The following DCLK1 variants were observed in gnomAD, a reference collection of about 807,000 sequenced individuals.
The protein encoded by DCLK1 is doublecortin like kinase 1.
In DCLK1, 16 loss-of-function variants were observed where a neutral mutation model predicts 86.2. The ratio of observed to expected loss-of-function variants is 0.19; its 90% confidence interval spans 0.13 to 0.28. DCLK1 has a LOEUF of 0.28. DCLK1 is among the 10% of genes least tolerant of loss of function. The pLI is 1.00. For missense variants in DCLK1, 590 were observed against 940.2 expected (o/e 0.63, Z 4.87); for synonymous variants, 369 against 370.5 (o/e 1.00, Z 0.05).
intron 3 of DCLK1, among the ~76,000 whole-genome samples, chr13:36,034,947 G>A (rs1050307658): frequency 2.0e-5 from 3 of 152,270 alleles, no homozygotes; most frequent in South Asian, 2.1e-4. Context: ...TTAGGTAGGC[G>A]GAAAGGTCAC....
At chr13:35,830,922 T>C (rs1183496555) in intron 8 of DCLK1, among the ~76,000 whole-genome samples, 1 of 152,184 alleles carries the variant, frequency 6.6e-6, no homozygotes, top group East Asian at 1.9e-4. Flanking sequence ...AGGAGTAATT[T>C]TAAAGCACTC....
intron 6 of DCLK1, among the ~76,000 whole-genome samples, chr13:35,845,549 T>C (rs1013638283): frequency 2.6e-5 from 4 of 152,186 alleles, no homozygotes; most frequent in Non-Finnish European, 4.4e-5. Flanking sequence ...ACACCATTAG[T>C]GGTTTTAAAA....
At chr13:35,931,512 T>C (rs902831164) in intron 4 of DCLK1, among the ~76,000 whole-genome samples, 1 of 152,188 alleles carries the variant, frequency 6.6e-6, no homozygotes, top group East Asian at 1.9e-4. Context: ...TTAGGCTGTA[T>C]TTGGACAAGT....
chr13:36,064,720 AG>A (rs1883687651), intron 3 of DCLK1, among the ~76,000 whole-genome samples: 1 of 151,706 alleles, frequency 6.6e-6, no homozygotes, highest in South Asian at 2.1e-4. Flanking sequence ...CATCTTTACC[AG>A]GAATAACAGG....
At chr13:36,065,819 G>T (rs780941690) in intron 3 of DCLK1, among the ~76,000 whole-genome samples, 3 of 151,994 alleles carry the variant, frequency 2.0e-5, no homozygotes, top group African/African-American at 4.8e-5. Context: ...TTGTAAAATG[G>T]AAAAAATACT....
At chr13:35,806,157 T>A (rs1017066374) in intron 14 of DCLK1, among the ~76,000 whole-genome samples, 4 of 152,168 alleles carry the variant, frequency 2.6e-5, no homozygotes, top group African/African-American at 9.7e-5. Context: ...AAAAACACTT[T>A]ACTTAAAATT....
At chr13:35,848,877 G>A (rs1344257256) in intron 6 of DCLK1, 1 of 985,344 alleles carries the variant, frequency 1.0e-6, no homozygotes, top group Non-Finnish European at 1.2e-6. Flanking sequence ...ACAGACACCA[G>A]CATAGGCAAC....
intron 6 of DCLK1, chr13:35,846,321 G>T (rs1324178124): frequency 4.1e-6 from 4 of 985,134 alleles, no homozygotes; most frequent in Non-Finnish European, 4.8e-6. Flanking sequence ...TTACTGATGA[G>T]TATCAACTCC....
chr13:36,016,187 C>T (rs59881846), intron 3 of DCLK1, among the ~76,000 whole-genome samples: 1 of 152,138 alleles, frequency 6.6e-6, no homozygotes, highest in Non-Finnish European at 1.5e-5. Context: ...ATACATGTAA[C>T]CCCAGGCACA....
intron 6 of DCLK1, among the ~76,000 whole-genome samples, chr13:35,841,112 G>A (rs1279408223): frequency 6.6e-6 from 1 of 152,162 alleles, no homozygotes; most frequent in African/African-American, 2.4e-5. Flanking sequence ...CAGCACAAAT[G>A]GTATTTCATA....
intron 3 of DCLK1, among the ~76,000 whole-genome samples, chr13:35,968,021 AAAAT>A (rs1878870310): frequency 6.6e-6 from 1 of 152,008 alleles, no homozygotes; most frequent in Non-Finnish European, 1.5e-5. Flanking sequence ...CTCCGTCTCA[AAAAT>A]AAATAAAGTA....
At chr13:35,978,775 C>G (rs1384852038) in intron 3 of DCLK1, among the ~76,000 whole-genome samples, 1 of 152,194 alleles carries the variant, frequency 6.6e-6, no homozygotes, top group African/African-American at 2.4e-5. Context: ...GATTTCCACA[C>G]CTTTTTTTCT....
chr13:35,854,739 G>T, intron 5 of DCLK1, 146 bp from the exon 6 acceptor site: 1 of 539,148 alleles, frequency 1.9e-6, no homozygotes, highest in Non-Finnish European at 2.9e-6. Flanking sequence ...CTGAGGAACA[G>T]CTTTGGGGAA....
intron 15 of DCLK1, among the ~76,000 whole-genome samples, chr13:35,803,326 C>G (rs2086960655): frequency 6.6e-6 from 1 of 152,082 alleles, no homozygotes; most frequent in African/African-American, 2.4e-5. Context: ...TGCTTAGCAC[C>G]CTGGGGTGAA....
At chr13:35,969,870 G>A (rs773377474) in intron 3 of DCLK1, among the ~76,000 whole-genome samples, 23 of 152,142 alleles carry the variant, frequency 1.5e-4, no homozygotes, top group Non-Finnish European at 2.8e-4. Flanking sequence ...CCTCATGAAT[G>A]GGATTAGTGA....
At chr13:35,905,880 A>C (rs576666846) in intron 4 of DCLK1, among the ~76,000 whole-genome samples, 2 of 151,892 alleles carry the variant, frequency 1.3e-5, no homozygotes, top group Non-Finnish European at 2.9e-5. Context: ...CCTAATTGAT[A>C]CTCATCCCAT....
At chr13:36,036,885 T>C (rs2153154362) in intron 3 of DCLK1, among the ~76,000 whole-genome samples, 1 of 152,270 alleles carries the variant, frequency 6.6e-6, no homozygotes, top group African/African-American at 2.4e-5. Flanking sequence ...ACTGGGTGTA[T>C]ATCCAAAAGA....
chr13:35,986,300 CAAAAAAAAAAAAAAAAAA>C (rs60156251), intron 3 of DCLK1, among the ~76,000 whole-genome samples: 1 of 44,400 alleles, frequency 2.3e-5, no homozygotes, highest in Non-Finnish European at 3.6e-5. Context: ...GACTCCGTCT[CAAAAAAAAAAAAAAAAAA>C]AAAAAAAAAA....
chr13:35,978,318 G>A (rs998944910), intron 3 of DCLK1, among the ~76,000 whole-genome samples: 1 of 142,588 alleles, frequency 7.0e-6, no homozygotes, highest in Non-Finnish European at 1.5e-5. Context: ...CTATTCTCCT[G>A]CCTCAGCCTC....
Sources: allele counts gnomAD v4.1 joint callset (sites outside exome capture counted in the v4.1 genomes callset), GRCh38; gene constraint gnomAD v4.1.1; transcripts MANE v1.5; gene names NCBI Gene and HGNC (gene_info 2026-07-23, HGNC 2026-07-21).